The following GSTCD variants were observed in gnomAD, a reference collection of about 807,000 sequenced individuals.
GSTCD encodes glutathione S-transferase C-terminal domain containing, also known as glutathione S-transferase C-terminal domain-containing protein.
Under a neutral mutation model 68.3 loss-of-function variants are expected in GSTCD, and 44 were observed. The ratio of observed to expected loss-of-function variants is 0.64; its 90% CI spans 0.51 to 0.83. The LOEUF (loss-of-function observed/expected upper bound fraction) is 0.83, where lower values mean the gene tolerates loss of function less well. Ranked by LOEUF, GSTCD falls within the 40% of genes least tolerant of loss-of-function variation. The pLI is 0.00. For synonymous variants in GSTCD, 273 were observed against 255.2 expected, an observed-to-expected ratio of 1.07 and a Z score of -0.67; for missense variants, 739 against 735.9, an observed-to-expected ratio of 1.00 and a Z score of -0.05.
chr4:105,746,626 A>T (rs951550104), intron 5 of GSTCD, among the ~76,000 whole-genome samples: 1 of 152,040 alleles, frequency 6.6e-6, no homozygotes, highest in Admixed American at 6.5e-5. Flanking sequence ...GGAAGTATGA[A>T]TTTTTTTAAT....
intron 7 of GSTCD, among the ~76,000 whole-genome samples, chr4:105,824,898 C>T (rs1560848677): frequency 6.6e-6 from 1 of 152,044 alleles, no homozygotes; most frequent in Non-Finnish European, 1.5e-5. Flanking sequence ...TGTTTCTCTC[C>T]CTAAAATACC....
intron 5 of GSTCD, chr4:105,753,306 A>C (rs1359898275): frequency 6.6e-6 from 1 of 152,084 alleles, no homozygotes; most frequent in Non-Finnish European, 1.5e-5. Context: ...TTTTCTCTGA[A>C]ACAAAGATAG....
At chr4:105,788,149 T>C (rs1021813183) in intron 5 of GSTCD, among the ~76,000 whole-genome samples, 5 of 152,080 alleles carry the variant, frequency 3.3e-5, no homozygotes, top group African/African-American at 1.2e-4. Context: ...GTCATAAATA[T>C]TTTCCCTGTG....
chr4:105,718,313 T>C (rs1041070051), intron 2 of GSTCD, among the ~76,000 whole-genome samples: 2 of 152,178 alleles, frequency 1.3e-5, no homozygotes, highest in African/African-American at 2.4e-5. Flanking sequence ...GGCTTGGTGC[T>C]CTCACTGGGG....
At chr4:105,819,101 C>T (rs1373502953) in intron 5 of GSTCD, among the ~76,000 whole-genome samples, 1 of 151,682 alleles carries the variant, frequency 6.6e-6, no homozygotes. Flanking sequence ...GCCATGTTTT[C>T]GGTAAGACAC....
intron 5 of GSTCD, among the ~76,000 whole-genome samples, chr4:105,771,217 GT>G (rs973461777): frequency 1.3e-4 from 19 of 148,632 alleles, no homozygotes; most frequent in Middle Eastern, 3.4e-3. Flanking sequence ...TTTTGATGAG[GT>G]TTTTTTTTTC....
chr4:105,781,411 CTT>C (rs35271170), intron 5 of GSTCD, among the ~76,000 whole-genome samples: 3 of 141,466 alleles, frequency 2.1e-5, no homozygotes, highest in African/African-American at 2.6e-5. Context: ...TCATGCTCAG[CTT>C]TTTTTTTTTT....
intron 5 of GSTCD, among the ~76,000 whole-genome samples, chr4:105,794,427 A>T (rs553206731): frequency 6.6e-6 from 1 of 152,144 alleles, no homozygotes; most frequent in South Asian, 2.1e-4. Flanking sequence ...TGATGTGTCA[A>T]TGTAGGTTCA....
chr4:105,805,814 T>A (rs1338248622), intron 5 of GSTCD, among the ~76,000 whole-genome samples: 1 of 152,140 alleles, frequency 6.6e-6, no homozygotes, highest in Non-Finnish European at 1.5e-5. Context: ...TCCATTCTTC[T>A]GCCTCTTCTT....
At position 105,726,778 on chromosome 4, in the gene GSTCD, A is replaced by G; in HGVS notation, c.1094A>G (p.Gln365Arg). 1 of 1,613,738 alleles carries G rather than the reference A, an allele frequency of 6.2e-7. No individual in the cohort carries two copies. Among genetic ancestry groups the G allele is most frequent in the Non-Finnish European group, 8.5e-7 (1 of 1,179,756 alleles). Residue 365 changes from glutamine to arginine, a missense_variant, in exon 4 of 12, where the codon CAA becomes CGA. By Grantham distance (43) the Gln-to-Arg change is conservative. Transcript: ENST00000515279. ...TGTGAAGTCCCAGGTGTAGAAGAGCAAAGCGATCCTTTATTTATAGGAGGA... is the reference window on the plus strand; with the variant it reads ...TGTGAAGTCCCAGGTGTAGAAGAGCGAAGCGATCCTTTATTTATAGGAGGA... ...NLCEVPGVEE[Q>R]SDPLFIGGPR... is the part of the protein sequence containing the mutation.
intron 5 of GSTCD, among the ~76,000 whole-genome samples, chr4:105,774,334 GCATTTAGCC>G (rs141848969): frequency 0.014 from 2,058 of 152,226 alleles, 30 homozygotes; most frequent in African/African-American, 0.035. Flanking sequence ...TTTAATTGGG[GCATTTAGCC>G]CATTTACATT....
At chr4:105,748,587 G>A (rs1733892800) in intron 5 of GSTCD, among the ~76,000 whole-genome samples, 1 of 151,812 alleles carries the variant, frequency 6.6e-6, no homozygotes, top group African/African-American at 2.4e-5. Flanking sequence ...ATATAAATAT[G>A]GGCACAATTT....
At chr4:105,711,050 T>C (rs138994921) in intron 1 of GSTCD, 35 of 152,352 alleles carry the variant, frequency 2.3e-4, no homozygotes, top group Admixed American at 3.3e-4. Context: ...GGTAATTGGC[T>C]GCTATCTATC....
rs1407614734 is a variant in GSTCD, at chr4:105,710,310, T to TC, written c.-22+1297dup. On this transcript the variant is annotated intron_variant, in intron 1 of 11. Coordinates refer to ENST00000515279, the MANE Select transcript of GSTCD (RefSeq NM_001370181.1). ...ATGGATTGCAATGGCAACATCCGCC[T>TC]CCCGGGCTCAAGCAATTCTCCTGCC... Among the ~76,000 whole-genome samples the TC allele has an allele frequency of 2.1e-4, 26 of 121,754 alleles. No individual in the cohort carries two copies. The Admixed American group carries it at 2.8e-3, about 13-fold the overall frequency. 79.9% of individuals were successfully genotyped at this position (121,754 alleles called of 152,430 possible). A position where few individuals can be genotyped will look rare whatever the true frequency, so the allele number is the denominator to read the frequency against.
chr4:105,752,290 G>A (rs1389668358), intron 5 of GSTCD, among the ~76,000 whole-genome samples: 2 of 152,086 alleles, frequency 1.3e-5, no homozygotes, highest in Non-Finnish European at 2.9e-5. Flanking sequence ...TAGATTTGCT[G>A]TAATTCTTCT....
At chr4:105,778,401 A>G (rs936661512) in intron 5 of GSTCD, among the ~76,000 whole-genome samples, 1 of 152,160 alleles carries the variant, frequency 6.6e-6, no homozygotes, top group African/African-American at 2.4e-5. Context: ...ACATTTCCTT[A>G]ATATTTTTGT....
intron 5 of GSTCD, among the ~76,000 whole-genome samples, chr4:105,780,602 ATGT>A (rs755740446): frequency 2.0e-5 from 3 of 152,212 alleles, no homozygotes; most frequent in South Asian, 2.1e-4. Flanking sequence ...AAAGGGGAAA[ATGT>A]TGTGCTGTTA....
chr4:105,712,908 AGAG>A (rs1216180137), intron 1 of GSTCD, among the ~76,000 whole-genome samples: 2 of 152,202 alleles, frequency 1.3e-5, no homozygotes, highest in African/African-American at 4.8e-5. Context: ...GTCTGGAGTT[AGAG>A]GAGAAGATAC....
chr4:105,830,052 T>C (rs1281251859), intron 8 of GSTCD, among the ~76,000 whole-genome samples: 5 of 152,022 alleles, frequency 3.3e-5, no homozygotes, highest in African/African-American at 1.2e-4. Flanking sequence ...ACCTCAGTAA[T>C]AGCAGGACCA....
Sources: allele counts gnomAD v4.1 joint callset (sites outside exome capture counted in the v4.1 genomes callset), GRCh38; gene constraint gnomAD v4.1.1; transcripts MANE v1.5; gene names NCBI Gene and HGNC (gene_info 2026-07-23, HGNC 2026-07-21).